The following TRPC6 variants were observed in gnomAD, a reference collection of about 807,000 sequenced individuals.
TRPC6 encodes the protein short transient receptor potential channel 6.
TRPC6 carries 55 observed loss-of-function variants against 90.7 expected under a neutral mutation model. The observed-to-expected ratio is 0.61, with a 90% confidence interval of 0.49 to 0.76. The LOEUF (loss-of-function observed/expected upper bound fraction) is 0.76, where lower values mean the gene tolerates loss of function less well. TRPC6 is among the 30% of genes least tolerant of loss of function. The pLI is 0.00. For missense variants in TRPC6, 989 were observed against 1,122.7 expected, an observed-to-expected ratio of 0.88 and a Z score of 1.70; for synonymous variants, 393 against 393.0, an observed-to-expected ratio of 1.00 and a Z score of 0.00.
chr11:101,553,178 C>T (rs1591131739), intron 1 of TRPC6, among the ~76,000 whole-genome samples: 1 of 152,018 alleles, frequency 6.6e-6, no homozygotes, highest in Non-Finnish European at 1.5e-5. Context: ...TGAACCTGAG[C>T]CAGCTCTGAT....
intron 1 of TRPC6, among the ~76,000 whole-genome samples, chr11:101,579,903 A>G (rs888894390): frequency 2.0e-5 from 3 of 152,164 alleles, no homozygotes; most frequent in African/African-American, 4.8e-5. Context: ...ACTGGGACGC[A>G]TAACTCACAG....
intron 1 of TRPC6, among the ~76,000 whole-genome samples, chr11:101,528,987 A>C (rs1860848146): frequency 6.6e-6 from 1 of 152,088 alleles, no homozygotes; most frequent in Admixed American, 6.6e-5. Flanking sequence ...GGAGACATGA[A>C]CAGTGGATAG....
At chr11:101,555,840 A>AAGT (rs1281273711) in intron 1 of TRPC6, among the ~76,000 whole-genome samples, 126 of 152,320 alleles carry the variant, frequency 8.3e-4, no homozygotes, top group African/African-American at 2.9e-3. Flanking sequence ...TCTTCAAGAC[A>AAGT]GATCACTTGT....
At chr11:101,462,201 G>GT (rs35761974) in intron 10 of TRPC6, among the ~76,000 whole-genome samples, 47,247 of 152,012 alleles carry the variant, frequency 0.31, 9,583 homozygotes, top group African/African-American at 0.58. Flanking sequence ...GTACCATGCT[G>GT]TTTGGTTACT....
intron 2 of TRPC6, among the ~76,000 whole-genome samples, chr11:101,496,389 C>T (rs1859950754): frequency 6.6e-6 from 1 of 152,164 alleles, no homozygotes; most frequent in African/African-American, 2.4e-5. Context: ...CACCAGATGG[C>T]ACACTGATCA....
At chr11:101,531,864 G>C (rs1359781402) in intron 1 of TRPC6, among the ~76,000 whole-genome samples, 1 of 152,076 alleles carries the variant, frequency 6.6e-6, no homozygotes, top group Non-Finnish European at 1.5e-5. Flanking sequence ...GCCCATTCCT[G>C]GTTTATTGTA....
chr11:101,576,051 T>A (rs1862062922), intron 1 of TRPC6, among the ~76,000 whole-genome samples: 1 of 152,194 alleles, frequency 6.6e-6, no homozygotes, highest in Non-Finnish European at 1.5e-5. Flanking sequence ...GGTCCACGTG[T>A]TCCAGCCCCA....
At chr11:101,514,875 A>G (rs1437872391) in intron 1 of TRPC6, among the ~76,000 whole-genome samples, 1 of 152,206 alleles carries the variant, frequency 6.6e-6, no homozygotes, top group Non-Finnish European at 1.5e-5. Flanking sequence ...TTAGGGACCT[A>G]AACTTGAGAA....
chr11:101,485,964 A>G (rs559388591), intron 4 of TRPC6, among the ~76,000 whole-genome samples: 2 of 152,026 alleles, frequency 1.3e-5, no homozygotes, highest in Non-Finnish European at 2.9e-5. Flanking sequence ...CCACTGGCCT[A>G]CTGACCTTTA....
At chr11:101,460,953 A>G (rs1242930815) in intron 10 of TRPC6, among the ~76,000 whole-genome samples, 1 of 152,222 alleles carries the variant, frequency 6.6e-6, no homozygotes, top group African/African-American at 2.4e-5. Flanking sequence ...GTCAATTATA[A>G]CACAACAATA....
intron 5 of TRPC6, among the ~76,000 whole-genome samples, chr11:101,478,973 T>C (rs1255402201): frequency 6.6e-6 from 1 of 152,182 alleles, no homozygotes; most frequent in African/African-American, 2.4e-5. Context: ...AAGATGCCTT[T>C]ACTTGCCCAG....
Position 101,583,343 on chromosome 11 carries a change from T to C in TRPC6, c.161A>G (p.Tyr54Cys), listed in dbSNP as rs868324043. 2.5e-6 allele frequency: 4 copies of C among 1,588,600 alleles called. No homozygotes were observed. Among genetic ancestry groups the C allele is most frequent in the Non-Finnish European group, 8.6e-7 (1 of 1,168,322 alleles). Residue 54 changes from tyrosine to cysteine, a missense_variant, in exon 1 of 13, where the codon TAC (tyrosine) becomes TGC (cysteine). Transcript: ENST00000344327. Reference sequence around the variant, plus strand: ...CGTCGCCGGCACTCACAAGCAGGGGTAGTAGCCGTAGCAAGGCAGCGGGGC... The same window carrying C: ...CGTCGCCGGCACTCACAAGCAGGGGCAGTAGCCGTAGCAAGGCAGCGGGGC... ...PQAPLPCYGY[Y>C]PCFRGSDNRL...
intron 10 of TRPC6, among the ~76,000 whole-genome samples, chr11:101,462,574 T>A (rs535536325): frequency 6.6e-6 from 1 of 152,318 alleles, no homozygotes; most frequent in African/African-American, 2.4e-5. Context: ...TTGTAGCAAT[T>A]GTGAATGGGA....
chr11:101,582,669 C>T (rs1051329376), intron 1 of TRPC6, among the ~76,000 whole-genome samples: 1 of 152,132 alleles, frequency 6.6e-6, no homozygotes, highest in African/African-American at 2.4e-5. Flanking sequence ...GTCTCCCAGC[C>T]CCTAACAGGC....
chr11:101,490,234 T>G (rs560228632), intron 3 of TRPC6, among the ~76,000 whole-genome samples: 1 of 152,128 alleles, frequency 6.6e-6, no homozygotes, highest in Admixed American at 6.6e-5. Context: ...TATAATGAAG[T>G]AACAATGCAA....
rs149630039 is a variant in TRPC6 at position 101,462,030 on chromosome 11, G to A, written c.2485-6929C>T. On this transcript the variant is annotated intron_variant, in intron 10 of 12. Coordinates refer to ENST00000344327, the MANE Select transcript of TRPC6 (RefSeq NM_004621.6). ...ACTTGGGGTCCAGTTTCAGTTTTCTGCGTATGGCTAGCCAGTTTTCCCATC... is the reference window on the plus strand; with the variant it reads ...ACTTGGGGTCCAGTTTCAGTTTTCTACGTATGGCTAGCCAGTTTTCCCATC... Among the ~76,000 whole-genome samples, 1,496 of 152,266 alleles carry A rather than the reference G, an allele frequency of 9.8e-3. 20 individuals are homozygous for A. Among genetic ancestry groups the A allele is most frequent in the Non-Finnish European group, 0.017 (1,174 of 67,998 alleles).
At chr11:101,515,231 T>C (rs1860490134) in intron 1 of TRPC6, among the ~76,000 whole-genome samples, 1 of 152,256 alleles carries the variant, frequency 6.6e-6, no homozygotes, top group Admixed American at 6.5e-5. Flanking sequence ...CTTCTCTTCC[T>C]TTAATGCCAG....
chr11:101,578,782 T>C (rs577782631), intron 1 of TRPC6, among the ~76,000 whole-genome samples: 80 of 152,310 alleles, frequency 5.3e-4, no homozygotes, highest in Middle Eastern at 3.4e-3. Context: ...TTTTATGTAA[T>C]GGAAAAGCCA....
At chr11:101,540,849 C>A (rs553543299) in intron 1 of TRPC6, among the ~76,000 whole-genome samples, 2 of 152,128 alleles carry the variant, frequency 1.3e-5, no homozygotes, top group Admixed American at 1.3e-4. Context: ...ATTTTCTTAT[C>A]TGTGGAGAGG....
Sources: allele counts gnomAD v4.1 joint callset (sites outside exome capture counted in the v4.1 genomes callset), GRCh38; gene constraint gnomAD v4.1.1; transcripts MANE v1.5; gene names NCBI Gene and HGNC (gene_info 2026-07-23, HGNC 2026-07-21).